Variants in RUFY2 observed in about 807,000 individuals in gnomAD.
The protein encoded by RUFY2 is RUN and FYVE domain containing 2, also known as RUN and FYVE domain-containing protein 2.
RUFY2 carries 49 observed loss-of-function variants against 94.4 expected under a neutral mutation model. That is an observed-to-expected ratio of 0.52 (90% CI 0.41 to 0.66). RUFY2 has a LOEUF of 0.66. Among genes scored for constraint, RUFY2 ranks in the 30% least tolerant of loss-of-function variants. The pLI is 0.00. For missense variants in RUFY2, 541 were observed against 692.8 expected, an observed-to-expected ratio of 0.78 and a Z score of 2.46; for synonymous variants, 255 against 235.7, an observed-to-expected ratio of 1.08 and a Z score of -0.75.
chr10:68,366,761 A>ATAT (rs2047861971), intron 13 of RUFY2, among the ~76,000 whole-genome samples: 1 of 120,738 alleles, frequency 8.3e-6, no homozygotes, highest in African/African-American at 2.9e-5. Context: ...TATATATATA[A>ATAT]TATTAAATAT....
chr10:68,354,018 A>C (rs1365652846), intron 16 of RUFY2, among the ~76,000 whole-genome samples: 1 of 152,122 alleles, frequency 6.6e-6, no homozygotes, highest in Non-Finnish European at 1.5e-5. Flanking sequence ...ATACAGAGAT[A>C]AATGCCAGAA....
At chr10:68,392,047 G>A (rs192612530) in intron 7 of RUFY2, among the ~76,000 whole-genome samples, 21 of 149,314 alleles carry the variant, frequency 1.4e-4, no homozygotes, top group African/African-American at 3.9e-4. Flanking sequence ...TTTTTGAGAC[G>A]GAGTTTCACA....
chr10:68,397,031 C>A, intron 3 of RUFY2, 150 bp from the exon 4 acceptor site: 4 of 565,502 alleles, frequency 7.1e-6, no homozygotes, highest in Non-Finnish European at 1.3e-5. Context: ...GCACACAAAC[C>A]AATCCCTGAG....
At chr10:68,383,446 C>A (rs747406075) in intron 10 of RUFY2, among the ~76,000 whole-genome samples, 11 of 152,096 alleles carry the variant, frequency 7.2e-5, no homozygotes, top group Non-Finnish European at 1.6e-4. Context: ...TGGTGAAACC[C>A]CATCTCTACA....
At chr10:68,379,386 G>A (rs1441566298) in intron 12 of RUFY2, 38 bp downstream of exon 12, 2 of 1,453,740 alleles carry the variant, frequency 1.4e-6, no homozygotes, top group African/African-American at 1.4e-5. Context: ...AAGGGAAGAA[G>A]AAAAGAAAAA....
In RUFY2 at chr10:68,379,535, C is replaced by A. The variant is rs1681234226; in HGVS notation, c.1108-14G>T. 1.3e-6 allele frequency: 2 copies of A among 1,576,486 alleles called. No homozygotes were observed. Among genetic ancestry groups the A allele is most frequent in the Admixed American group, 1.7e-5 (1 of 57,290 alleles). On this transcript the variant is annotated splice_polypyrimidine_tract_variant and intron_variant, in intron 11 of 17. Transcript: ENST00000602465. ...ATCTTCAGAACCCTATTTATAAAAA[C>A]AAAAGCTATGGTGGTTTTGATTTGT...
At chr10:68,391,616 T>C (rs10823190) in intron 7 of RUFY2, among the ~76,000 whole-genome samples, 4,112 of 132,416 alleles carry the variant, frequency 0.031, 128 homozygotes, top group Admixed American at 0.071. Flanking sequence ...CACTGCCCTC[T>C]ACCCTCCAGC....
chr10:68,381,239 T>A lies in RUFY2; in HGVS notation c.1100A>T (p.Lys367Met). The change falls in exon 11 of 18, where the codon AAG becomes ATG. Residue 367 changes from lysine to methionine, a missense_variant. Physicochemically the swap from Lys to Met is moderately conservative, Grantham distance 95. Coordinates refer to ENST00000602465, the MANE Select transcript of RUFY2 (RefSeq NM_001330103.2). ...TTTAAGAACAATCCTTACCTGCAACTTTTGATACATCTCTATGTTAATTGC... is the reference window on the plus strand; with the variant it reads ...TTTAAGAACAATCCTTACCTGCAACATTTGATACATCTCTATGTTAATTGC... The part of the protein sequence containing the change: ...VKAINIEMYQ[K>M]LQGSEDGLKE... 6.2e-7 allele frequency: 1 copy of A among 1,604,086 alleles called. No individual in the cohort carries two copies. The highest frequency in any genetic ancestry group is 8.5e-7 in the Non-Finnish European group (1 of 1,175,064).
At chr10:68,349,286 C>T (rs188937586) in intron 16 of RUFY2, among the ~76,000 whole-genome samples, 80 of 152,084 alleles carry the variant, frequency 5.3e-4, no homozygotes, top group East Asian at 1.6e-3. Flanking sequence ...GAGACTGAGA[C>T]GGAAGGATCG....
rs2046189377 is a variant in RUFY2 at position 68,344,890 on chromosome 10, A to G, written c.*878T>C. The G allele has an allele frequency of 6.6e-6, 1 of 152,100 alleles. No individual in the cohort carries two copies. Among genetic ancestry groups the G allele is most frequent in the African/African-American group, 2.4e-5 (1 of 41,396 alleles). 9.4% of individuals were successfully genotyped at this position (152,100 alleles called of 1,614,324 possible). The stretch of plus-strand genomic sequence containing the variant: ...AATACATTACCAAAGCAAAGTCCTG[A>G]TTTTTTTCTCACTTTTAATGCTTAG... On this transcript the variant is annotated 3_prime_UTR_variant, in exon 18 of 18. Coordinates refer to ENST00000602465, the MANE Select transcript of RUFY2 (RefSeq NM_001330103.2).
At chr10:68,391,383 T>C (rs146007503) in intron 7 of RUFY2, among the ~76,000 whole-genome samples, 6,271 of 152,148 alleles carry the variant, frequency 0.041, 409 homozygotes, top group African/African-American at 0.14. Context: ...GCACAATGGC[T>C]CATGCCTGTA....
chr10:68,389,340 C>A (rs1487314374), intron 7 of RUFY2, among the ~76,000 whole-genome samples: 1 of 152,132 alleles, frequency 6.6e-6, no homozygotes, highest in Non-Finnish European at 1.5e-5. Context: ...CGCCTGTAAT[C>A]CCAGCACTTT....
At chr10:68,347,229 A>G (rs2046342337) in intron 16 of RUFY2, among the ~76,000 whole-genome samples, 1 of 151,224 alleles carries the variant, frequency 6.6e-6, no homozygotes, top group Non-Finnish European at 1.5e-5. Flanking sequence ...AAACGTTAGT[A>G]AAAAAATGGA....
chr10:68,405,593 G>T, intron 1 of RUFY2: 1 of 739,706 alleles, frequency 1.4e-6, no homozygotes, highest in Non-Finnish European at 1.6e-6. Flanking sequence ...AGAATAAACT[G>T]GCAATAAAAT....
rs1261610015 is a variant in RUFY2, at chr10:68,344,515, G to C, written c.*1253C>G. ...GCCATAAGCAATATAACTTGGATTA[G>C]TGTTCATTGAGTCAGCTTGAAATAG... On this transcript the variant is annotated 3_prime_UTR_variant, in exon 18 of 18. Coordinates refer to ENST00000602465, the MANE Select transcript of RUFY2 (RefSeq NM_001330103.2). 2.0e-5 allele frequency: 3 copies of C among 152,162 alleles called. No homozygotes were observed. The highest frequency in any genetic ancestry group is 7.2e-5 in the African/African-American group (3 of 41,440). The allele number at this position is 152,162 out of a possible 1,614,324, so 9.4% of individuals were successfully genotyped here.
At chr10:68,342,783 A>G (rs758199003), downstream of RUFY2, 18 of 152,640 alleles carry the variant, frequency 1.2e-4, no homozygotes, top group Non-Finnish European at 2.4e-4. Flanking sequence ...AAGATGTCTT[A>G]GAGTAGGGTT....
intron 13 of RUFY2, among the ~76,000 whole-genome samples, chr10:68,376,489 T>TATATATATTC (rs58358117): frequency 0.082 from 4,240 of 51,614 alleles, 1,371 homozygotes; most frequent in Non-Finnish European, 0.12. Context: ...TATATATATA[T>TATATATATTC]ATTCTCAGAA....
At chr10:68,374,502 A>G (rs1287764446) in intron 13 of RUFY2, among the ~76,000 whole-genome samples, 1 of 152,186 alleles carries the variant, frequency 6.6e-6, no homozygotes, top group Non-Finnish European at 1.5e-5. Flanking sequence ...GCACCAAGTA[A>G]CAGAGCTTTA....
At chr10:68,367,737 C>CCTCT (rs1165274393) in intron 13 of RUFY2, among the ~76,000 whole-genome samples, 1 of 140,098 alleles carries the variant, frequency 7.1e-6, no homozygotes, top group East Asian at 2.1e-4. Context: ...TCCCTCCCTC[C>CCTCT]CTCTCTCTCT....
Sources: gnomAD v4.1 joint callset for allele counts (sites outside exome capture counted in the v4.1 genomes callset) on GRCh38, gnomAD v4.1.1 for gene constraint, MANE v1.5 for transcripts, NCBI Gene and HGNC (gene_info 2026-07-23, HGNC 2026-07-21) for gene names.